The following CNTN4 variants were observed in gnomAD, a reference collection of about 807,000 sequenced individuals.
CNTN4 encodes contactin 4.
In CNTN4, 77 loss-of-function variants were observed where a neutral mutation model predicts 122.5. The observed-to-expected ratio is 0.63, with a 90% confidence interval of 0.52 to 0.76. CNTN4 has a LOEUF of 0.76. CNTN4 is among the 30% of genes least tolerant of loss of function. The pLI is 0.00. For missense variants in CNTN4, 1,256 were observed against 1,259.1 expected, an observed-to-expected ratio of 1.00 and a Z score of 0.04; for synonymous variants, 512 against 447.0, an observed-to-expected ratio of 1.15 and a Z score of -1.83.
At chr3:2,807,477 T>A (rs1272165425) in intron 6 of CNTN4, among the ~76,000 whole-genome samples, 2 of 144,716 alleles carry the variant, frequency 1.4e-5, no homozygotes, top group African/African-American at 2.5e-5. Context: ...TATACAGAAC[T>A]TTTTTTTTTT....
At chr3:2,247,577 A>T (rs1036496079) in intron 2 of CNTN4, among the ~76,000 whole-genome samples, 1 of 151,982 alleles carries the variant, frequency 6.6e-6, no homozygotes, top group Non-Finnish European at 1.5e-5. Flanking sequence ...TTCTTGTCAT[A>T]TTCGGGAACA....
At chr3:2,466,810 G>A (rs1422602023) in intron 3 of CNTN4, among the ~76,000 whole-genome samples, 2 of 152,054 alleles carry the variant, frequency 1.3e-5, no homozygotes, top group Admixed American at 1.3e-4. Context: ...TATGGTAATG[G>A]TAATTTTTTA....
intron 3 of CNTN4, among the ~76,000 whole-genome samples, chr3:2,356,744 A>C (rs2044890565): frequency 6.6e-6 from 1 of 152,264 alleles, no homozygotes; most frequent in Non-Finnish European, 1.5e-5. Flanking sequence ...CTCTTGTTCA[A>C]ACACCTCTGA....
intron 4 of CNTN4, among the ~76,000 whole-genome samples, chr3:2,700,206 T>A (rs1237763635): frequency 6.6e-6 from 1 of 152,210 alleles, no homozygotes; most frequent in East Asian, 1.9e-4. Context: ...TAGACTATTA[T>A]TTTCAAAGGT....
At chr3:2,145,854 G>C (rs574572218) in intron 2 of CNTN4, among the ~76,000 whole-genome samples, 57 of 151,884 alleles carry the variant, frequency 3.8e-4, no homozygotes, top group African/African-American at 1.3e-3. Context: ...GGATTAGAAG[G>C]CTTAAGTAAT....
intron 7 of CNTN4, among the ~76,000 whole-genome samples, chr3:2,820,393 C>G (rs1438484922): frequency 6.6e-6 from 1 of 152,198 alleles, no homozygotes; most frequent in Non-Finnish European, 1.5e-5. Flanking sequence ...GCAGGAGTTT[C>G]TAGACTTGTG....
At chr3:2,943,796 G>C (rs1265578046) in intron 13 of CNTN4, among the ~76,000 whole-genome samples, 1 of 151,194 alleles carries the variant, frequency 6.6e-6, no homozygotes, top group Non-Finnish European at 1.5e-5. Flanking sequence ...GCTAATTTTT[G>C]TATTTATAGT....
chr3:2,972,342 A>G (rs939369510), intron 13 of CNTN4, among the ~76,000 whole-genome samples: 3 of 152,118 alleles, frequency 2.0e-5, no homozygotes, highest in South Asian at 2.1e-4. Flanking sequence ...ACACATACAC[A>G]TACAGACACA....
intron 13 of CNTN4, among the ~76,000 whole-genome samples, chr3:2,953,697 T>C (rs1300548455): frequency 1.3e-5 from 2 of 152,162 alleles, no homozygotes; most frequent in Admixed American, 6.6e-5. Flanking sequence ...GTCTTTGCAA[T>C]CTATCCTAGG....
At chr3:2,152,918 G>T (rs2035558479) in intron 2 of CNTN4, among the ~76,000 whole-genome samples, 1 of 152,196 alleles carries the variant, frequency 6.6e-6, no homozygotes, top group Non-Finnish European at 1.5e-5. Context: ...CCAAGTGAAT[G>T]CAAGTGACAC....
At chr3:2,360,117 G>T (rs574982270) in intron 3 of CNTN4, among the ~76,000 whole-genome samples, 2 of 152,268 alleles carry the variant, frequency 1.3e-5, no homozygotes, top group East Asian at 1.9e-4. Flanking sequence ...ATTGTGATTA[G>T]ACCTGTGTTA....
At chr3:2,628,291 G>A (rs1218533376) in intron 4 of CNTN4, among the ~76,000 whole-genome samples, 1 of 152,316 alleles carries the variant, frequency 6.6e-6, no homozygotes, top group Non-Finnish European at 1.5e-5. Flanking sequence ...CAATTGTGAG[G>A]CAGCCAGGTA....
At chr3:2,900,057 C>T (rs536695372) in intron 10 of CNTN4, among the ~76,000 whole-genome samples, 2 of 152,284 alleles carry the variant, frequency 1.3e-5, no homozygotes, top group East Asian at 3.9e-4. Context: ...GGATGTGGAG[C>T]TGCTTTGCTC....
chr3:2,950,091 A>G (rs1427680731), intron 13 of CNTN4, among the ~76,000 whole-genome samples: 1 of 152,226 alleles, frequency 6.6e-6, no homozygotes, highest in East Asian at 1.9e-4. Context: ...TAAGTACCTT[A>G]TCCATGACTA....
At chr3:2,430,033 T>C (rs914563020) in intron 3 of CNTN4, among the ~76,000 whole-genome samples, 1 of 152,134 alleles carries the variant, frequency 6.6e-6, no homozygotes, top group African/African-American at 2.4e-5. Context: ...AGGTGATGCC[T>C]CGCTCTGCTT....
At chr3:2,567,076 C>A (rs1036222164) in intron 3 of CNTN4, among the ~76,000 whole-genome samples, 6 of 145,590 alleles carry the variant, frequency 4.1e-5, no homozygotes, top group Non-Finnish European at 7.4e-5. Flanking sequence ...AGAATCAAGT[C>A]CAGAATTTTT....
intron 13 of CNTN4, among the ~76,000 whole-genome samples, chr3:2,985,899 A>G (rs1470867727): frequency 1.3e-5 from 2 of 151,758 alleles, no homozygotes; most frequent in South Asian, 2.1e-4. Flanking sequence ...ACAAATGACC[A>G]AATAAGAGAA....
intron 4 of CNTN4, among the ~76,000 whole-genome samples, chr3:2,582,120 C>T (rs562113435): frequency 1.3e-5 from 2 of 152,160 alleles, no homozygotes; most frequent in African/African-American, 4.8e-5. Flanking sequence ...CTTAACTGTA[C>T]ATTTTAAAAG....
chr3:2,456,144 C>G (rs2048990431), intron 3 of CNTN4, among the ~76,000 whole-genome samples: 1 of 152,004 alleles, frequency 6.6e-6, no homozygotes, highest in South Asian at 2.1e-4. Context: ...GAACTGAGTT[C>G]AAGCCTTCCT....
Sources: allele counts gnomAD v4.1 joint callset (sites outside exome capture counted in the v4.1 genomes callset), GRCh38; gene constraint gnomAD v4.1.1; transcripts MANE v1.5; gene names NCBI Gene and HGNC (gene_info 2026-07-23, HGNC 2026-07-21).